Variants in SH3RF1 observed in about 807,000 individuals in gnomAD.
The protein encoded by SH3RF1 is E3 ubiquitin-protein ligase SH3RF1.
SH3RF1 carries 32 observed loss-of-function variants against 74.0 expected under a neutral mutation model. That is an observed-to-expected ratio of 0.43 (90% CI 0.33 to 0.58). The LOEUF (loss-of-function observed/expected upper bound fraction) is 0.58. Among genes scored for constraint, SH3RF1 ranks in the 20% least tolerant of loss-of-function variants. The pLI, the probability that SH3RF1 is intolerant of heterozygous loss-of-function variation, is 0.05. For synonymous variants in SH3RF1, 396 were observed against 439.6 expected, an observed-to-expected ratio of 0.90 and a Z score of 1.24; for missense variants, 954 against 1,130.9, an observed-to-expected ratio of 0.84 and a Z score of 2.24.
At chr4:169,253,089 TTAAA>T (rs1192248657) in intron 2 of SH3RF1, among the ~76,000 whole-genome samples, 2 of 152,130 alleles carry the variant, frequency 1.3e-5, no homozygotes, top group African/African-American at 4.8e-5. Context: ...AAGAAGAAAC[TTAAA>T]TAAACCTAGT....
Position 169,227,628 on chromosome 4 carries a change from G to A in SH3RF1, c.393+41192C>T, listed in dbSNP as rs140768319. On this transcript the variant is annotated intron_variant, in intron 2 of 11. Transcript: ENST00000284637. ...CCCTGGGGTGTTCCATAACATCTATGCATTATTTATTTTACTATACTACCA... is the reference window on the plus strand; with the variant it reads ...CCCTGGGGTGTTCCATAACATCTATACATTATTTATTTTACTATACTACCA... Among the ~76,000 whole-genome samples the A allele has an allele frequency of 3.3e-3, 507 of 152,244 alleles. 1 individual carries two copies. The highest frequency in any genetic ancestry group is 0.011 in the African/African-American group (457 of 41,534).
chr4:169,197,618 C>T, intron 2 of SH3RF1, among the ~76,000 whole-genome samples: 1 of 67,006 alleles, frequency 1.5e-5, no homozygotes, highest in African/African-American at 4.8e-5. Context: ...AAGCAAGACT[C>T]TGTCTCAAAA....
chr4:169,174,310 G>A (rs765490417), intron 2 of SH3RF1, among the ~76,000 whole-genome samples: 15 of 149,038 alleles, frequency 1.0e-4, no homozygotes, highest in African/African-American at 3.2e-4. Context: ...CAATCCTCCC[G>A]CCTCAGCCTC....
At chr4:169,265,885 A>C (rs1731344626) in intron 2 of SH3RF1, among the ~76,000 whole-genome samples, 1 of 152,212 alleles carries the variant, frequency 6.6e-6, no homozygotes, top group Admixed American at 6.5e-5. Flanking sequence ...AGCAGAAACT[A>C]TTAGGTCTAA....
chr4:169,122,033 T>G, intron 7 of SH3RF1, 67 bp downstream of exon 7: 1 of 1,581,608 alleles, frequency 6.3e-7, no homozygotes, highest in Middle Eastern at 2.3e-4. Context: ...AGGTGTTTCT[T>G]GACCTCTGAG....
chr4:169,126,752 TA>T (rs1307335562), intron 6 of SH3RF1, among the ~76,000 whole-genome samples: 1 of 151,596 alleles, frequency 6.6e-6, no homozygotes, highest in Non-Finnish European at 1.5e-5. Context: ...CCCAGCTAAT[TA>T]AAAAAAAATT....
chr4:169,094,760 G>T lies in SH3RF1; in HGVS notation c.*1759C>A. The T allele has an allele frequency of 6.7e-6, 1 of 149,994 alleles. No individual in the cohort carries two copies. The highest frequency in any genetic ancestry group is 1.9e-4 in the East Asian group (1 of 5,130). The allele number at this position is 149,994 out of a possible 1,614,324, so 9.3% of individuals were successfully genotyped here. A position where few individuals can be genotyped will look rare whatever the true frequency, so the allele number is the denominator to read the frequency against. On this transcript the variant is annotated 3_prime_UTR_variant, in exon 12 of 12. Coordinates refer to ENST00000284637, the MANE Select transcript of SH3RF1 (RefSeq NM_020870.4). ...TTTTTTTTTTAAATTCAACACACAG[G>T]AACATAATATACATTGTTTTTTTTT...
At chr4:169,167,792 C>T (rs187494326) in intron 2 of SH3RF1, among the ~76,000 whole-genome samples, 2 of 152,006 alleles carry the variant, frequency 1.3e-5, no homozygotes, top group African/African-American at 4.8e-5. Context: ...TGTTAGTTAT[C>T]CTGGTGTAGA....
intron 11 of SH3RF1, among the ~76,000 whole-genome samples, chr4:169,105,623 G>A (rs1175971597): frequency 6.6e-6 from 1 of 152,196 alleles, no homozygotes; most frequent in East Asian, 1.9e-4. Context: ...GCTAGACATC[G>A]TGGCTCACGC....
intron 1 of SH3RF1, among the ~76,000 whole-genome samples, chr4:169,270,300 G>T (rs982026141): frequency 6.6e-6 from 1 of 151,910 alleles, no homozygotes; most frequent in Admixed American, 6.6e-5. Flanking sequence ...GCCGCTCGCC[G>T]CAGACACACC....
rs760298967 is a variant in SH3RF1, at chr4:169,156,677, A to AC, written c.395dup (p.Ile133TyrfsTer14). 6.4e-7 allele frequency: 1 copy of AC among 1,558,240 alleles called. No individual in the cohort carries two copies. Among genetic ancestry groups the AC allele is most frequent in the Non-Finnish European group, 8.7e-7 (1 of 1,153,308 alleles). ...CTTTGGCACATGGTAACTGAGGTATACCCTTTAAAAAAAAAAGAGGGATGA... is the reference window on the plus strand; with the variant it reads ...CTTTGGCACATGGTAACTGAGGTATACCCCTTTAAAAAAAAAAGAGGGATGA... On this transcript the variant is annotated frameshift_variant and splice_region_variant, in exon 3 of 12. Transcript: ENST00000284637. LOFTEE classifies it high-confidence loss of function.
At chr4:169,244,904 A>C (rs1320490915) in intron 2 of SH3RF1, among the ~76,000 whole-genome samples, 2 of 152,228 alleles carry the variant, frequency 1.3e-5, no homozygotes, top group Non-Finnish European at 2.9e-5. Context: ...CAAACCAAAA[A>C]TACAAGTCCA....
chr4:169,109,801 G>GT, intron 10 of SH3RF1, among the ~76,000 whole-genome samples: 1 of 151,874 alleles, frequency 6.6e-6, no homozygotes, highest in Admixed American at 6.6e-5. Flanking sequence ...CTTGAGCCCA[G>GT]GAGTTCAAGA....
intron 11 of SH3RF1, among the ~76,000 whole-genome samples, chr4:169,097,100 G>T (rs1484838347): frequency 1.3e-5 from 2 of 152,136 alleles, no homozygotes; most frequent in African/African-American, 4.8e-5. Flanking sequence ...GAGCAGGGGG[G>T]GTTCAGTCCT....
At chr4:169,263,499 C>T (rs1017838562) in intron 2 of SH3RF1, among the ~76,000 whole-genome samples, 2 of 152,316 alleles carry the variant, frequency 1.3e-5, no homozygotes, top group African/African-American at 4.8e-5. Flanking sequence ...AGATGTCCCA[C>T]GGCACAGTTC....
chr4:169,155,561 A>C lies in SH3RF1; in HGVS notation c.684T>G (p.Thr228=). Residue 228 remains threonine, a synonymous_variant, in exon 4 of 12, where the codon ACT becomes ACG. Coordinates refer to ENST00000284637, the MANE Select transcript of SH3RF1 (RefSeq NM_020870.4). ...CLPFAKDDVL[T]VIRRVDENWA... is the part of the protein sequence containing the mutation. Reference sequence around the variant, plus strand: ...AGTTTTCATCCACTCTTCGGATCACAGTCAGAACATCATCCTGAAGAAACA... The same window carrying C: ...AGTTTTCATCCACTCTTCGGATCACCGTCAGAACATCATCCTGAAGAAACA... 6.2e-7 allele frequency: 1 copy of C among 1,613,030 alleles called. No individual in the cohort carries two copies. The highest frequency in any genetic ancestry group is 8.5e-7 in the Non-Finnish European group (1 of 1,179,042).
intron 2 of SH3RF1, among the ~76,000 whole-genome samples, chr4:169,196,760 C>T (rs1734819528): frequency 6.6e-6 from 1 of 152,140 alleles, no homozygotes; most frequent in African/African-American, 2.4e-5. Context: ...AAATTACTTG[C>T]TCTACCATTA....
chr4:169,114,443 A>G (rs1433840580), intron 10 of SH3RF1, among the ~76,000 whole-genome samples: 1 of 152,214 alleles, frequency 6.6e-6, no homozygotes, highest in African/African-American at 2.4e-5. Context: ...AAAACCTGCA[A>G]GGTCCTTTTG....
chr4:169,260,547 T>C (rs1370957162), intron 2 of SH3RF1, among the ~76,000 whole-genome samples: 2 of 152,166 alleles, frequency 1.3e-5, no homozygotes, highest in Non-Finnish European at 2.9e-5. Context: ...GAGGTGGAAC[T>C]TTTCAAAGAA....
Sources: allele counts gnomAD v4.1 joint callset (sites outside exome capture counted in the v4.1 genomes callset), GRCh38; gene constraint gnomAD v4.1.1; transcripts MANE v1.5; gene names NCBI Gene and HGNC (gene_info 2026-07-23, HGNC 2026-07-21).